HMCN2: variants seen among roughly 807,000 people sequenced by gnomAD.
HMCN2 encodes hemicentin 2, also known as hemicentin-2.
In HMCN2, 325 loss-of-function variants were observed where a neutral mutation model predicts 377.5. That is an observed-to-expected ratio of 0.86 (90% CI 0.79 to 0.94). The LOEUF (loss-of-function observed/expected upper bound fraction) is 0.94. Among genes scored for constraint, HMCN2 ranks in the 40% least tolerant of loss-of-function variants. The probability of loss-of-function intolerance (pLI) is 0.00; values close to 1 mark genes in which losing one functional copy is unlikely to be tolerated. For synonymous variants in HMCN2, 2,007 were observed against 2,046.8 expected (o/e 0.98, Z 0.53); for missense variants, 4,543 against 4,725.3 (o/e 0.96, Z 1.13).
intron 52 of HMCN2, among the ~76,000 whole-genome samples, chr9:130,377,195 C>A (rs1015337472): frequency 2.6e-5 from 4 of 152,046 alleles, no homozygotes; most frequent in Non-Finnish European, 4.4e-5. Context: ...CTCACTGCAG[C>A]CTCTGCCTCC....
Position 130,373,707 on chromosome 9 carries a change from A to AGATG in HMCN2, c.7438+603_7438+606dup, listed in dbSNP as rs942219791. On this transcript the variant is annotated intron_variant, in intron 48 of 97. Coordinates refer to ENST00000683500, the MANE Select transcript of HMCN2 (RefSeq NM_001291815.2). Reference sequence around the variant, plus strand: ...TGGATGGATAGATGGATGGATAGGTAGATGGATGGATGGATGGATGGATAG... The same window carrying AGATG: ...TGGATGGATAGATGGATGGATAGGTAGATGGATGGATGGATGGATGGATGGATAG... Among the ~76,000 whole-genome samples, 16 of 115,422 alleles carry AGATG rather than the reference A, an allele frequency of 1.4e-4. 1 individual carries two copies. The highest frequency in any genetic ancestry group is 3.8e-4 in the African/African-American group (12 of 31,484). 75.7% of individuals were successfully genotyped at this position (115,422 alleles called of 152,430 possible). A position where few individuals can be genotyped will look rare whatever the true frequency, so the allele number is the denominator to read the frequency against.
chr9:130,382,752 C>T lies in HMCN2; in HGVS notation c.8619C>T (p.Ser2873=). 1.0e-6 allele frequency: 1 copy of T among 985,942 alleles called. No homozygotes were observed. The allele number at this position is 985,942 out of a possible 1,614,324, so 61.1% of individuals were successfully genotyped here. A position where few individuals can be genotyped will look rare whatever the true frequency, so the allele number is the denominator to read the frequency against. ...CAGTCAATGCCAGCAGCACCGTCAG[C>T]CTGCAGTGCCCGGCCCTGGGAAACC... The part of the protein sequence containing the change: ...EVTVNASSTV[S]LQCPALGNPV... Residue 2873 remains serine (S), a synonymous_variant, in exon 56 of 98, where the codon AGC becomes AGT. Transcript: ENST00000683500.
Position 130,354,947 on chromosome 9 carries a change from G to A in HMCN2, c.5049G>A (p.Arg1683=). The change falls in exon 32 of 98, where the codon AGG becomes AGA. Residue 1683 remains arginine (R), a synonymous_variant. Coordinates refer to ENST00000683500, the MANE Select transcript of HMCN2 (RefSeq NM_001291815.2). ...SRLETDGSVL[R]LESPGEASSG... ...TGGAGACAGACGGGAGTGTGCTGAGGCTGGAGAGCCCGGGGGAGGCATCCA... is the reference window on the plus strand; with the variant it reads ...TGGAGACAGACGGGAGTGTGCTGAGACTGGAGAGCCCGGGGGAGGCATCCA... 7.7e-7 allele frequency: 1 copy of A among 1,303,268 alleles called. No individual in the cohort carries two copies. Among genetic ancestry groups the A allele is most frequent in the Non-Finnish European group, 1.0e-6 (1 of 988,950 alleles). The allele number at this position is 1,303,268 out of a possible 1,614,324, so 80.7% of individuals were successfully genotyped here.
chr9:130,427,164 C>A, intron 90 of HMCN2, 149 bp from the exon 91 acceptor site: 1 of 783,722 alleles, frequency 1.3e-6, no homozygotes, highest in Non-Finnish European at 2.1e-6. Context: ...CAGGCCTGGG[C>A]AGGAAATGGG....
chr9:130,426,950 C>A (rs895991330), intron 90 of HMCN2, among the ~76,000 whole-genome samples: 6 of 152,150 alleles, frequency 3.9e-5, no homozygotes, highest in African/African-American at 1.4e-4. Context: ...GCTTTTGCTG[C>A]CCGTCTGACG....
At chr9:130,341,836 A>G (rs1839066399) in intron 24 of HMCN2, among the ~76,000 whole-genome samples, 1 of 151,912 alleles carries the variant, frequency 6.6e-6, no homozygotes, top group East Asian at 1.9e-4. Context: ...TGGCGCATAG[A>G]AAGTTCTGGA....
Position 130,428,336 on chromosome 9 carries a change from GTCTGCCCTGA to G in HMCN2, c.14066-14_14066-5del, listed in dbSNP as rs1375600237. On this transcript the variant is annotated splice_polypyrimidine_tract_variant and intron_variant, in intron 92 of 97. Transcript: ENST00000683500. The surrounding 1 kb of genome is among the most constrained non-coding windows in gnomAD (Gnocchi z 5.0). ...GCCTGGGGATCATGTTCACACAGCC[GTCTGCCCTGA>G]TCTGCCCCCAGATGTGGACGAGTGT... 9.8e-6 allele frequency: 15 copies of G among 1,531,712 alleles called. No individual in the cohort carries two copies. Among genetic ancestry groups the G allele is most frequent in the African/African-American group, 1.4e-5 (1 of 72,816 alleles). The allele number at this position is 1,531,712 out of a possible 1,614,324, so 94.9% of individuals were successfully genotyped here. A position where few individuals can be genotyped will look rare whatever the true frequency, so the allele number is the denominator to read the frequency against.
rs573958365 is a variant in HMCN2, at chr9:130,284,634, C to T, written c.291C>T (p.Pro97=). ...GCCCAGTGACCCTCACGGCGGACCC[C>T]ACAGTGTTTCAGAGGGAGCTGAGAG... ...DIGPVTLTAD[P]TVFQRELREL... is the part of the protein sequence containing the mutation. Residue 97 remains proline (P), a synonymous_variant, in exon 2 of 98, where the codon CCC becomes CCT. Coordinates refer to ENST00000683500, the MANE Select transcript of HMCN2 (RefSeq NM_001291815.2). 1.5e-5 allele frequency: 7 copies of T among 471,216 alleles called. No homozygotes were observed. In the East Asian group the frequency reaches 3.5e-4, roughly 23 times the overall value. 29.2% of individuals were successfully genotyped at this position (471,216 alleles called of 1,614,324 possible).
chr9:130,398,618 C>T lies in HMCN2; in HGVS notation c.11394C>T (p.Pro3798=). The T allele has an allele frequency of 7.8e-7, 1 of 1,288,164 alleles. No individual in the cohort carries two copies. The highest frequency in any genetic ancestry group is 1.0e-6 in the Non-Finnish European group (1 of 987,644). The allele number at this position is 1,288,164 out of a possible 1,614,324, so 79.8% of individuals were successfully genotyped here. ...TLTAHTPALL[P]CEASGSPKPL... is the part of the protein sequence containing the mutation. ...CCGCCCACACCCCAGCCTTGCTGCC[C>T]TGCGAGGCCAGCGGCTCCCCTAAGC... Residue 3798 remains proline (P), a synonymous_variant, in exon 75 of 98, where the codon CCC becomes CCT. Transcript: ENST00000683500.
In HMCN2 at chr9:130,427,501, G is replaced by A; in HGVS notation, c.13947G>A (p.Arg4649=). The change falls in exon 92 of 98, where the codon AGG becomes AGA. Residue 4649 remains arginine (R), a synonymous_variant. Transcript: ENST00000683500. ...LDSQGAFCVD[R]DECSGGPSPC... Reference sequence around the variant, plus strand: ...CCAGACCCCTTCCTGCCCCAGACAGGGACGAGTGCTCAGGAGGCCCTAGCC... The same window carrying A: ...CCAGACCCCTTCCTGCCCCAGACAGAGACGAGTGCTCAGGAGGCCCTAGCC... 9.0e-6 allele frequency: 14 copies of A among 1,550,392 alleles called. No homozygotes were observed. Among genetic ancestry groups the A allele is most frequent in the Non-Finnish European group, 1.0e-5 (12 of 1,146,924 alleles).
At chr9:130,431,845 G>C (rs1315191241) in intron 96 of HMCN2, among the ~76,000 whole-genome samples, 1 of 152,236 alleles carries the variant, frequency 6.6e-6, no homozygotes, top group Admixed American at 6.5e-5. Flanking sequence ...GCTGGGATGA[G>C]AGCTGTGGAG....
Position 130,303,210 on chromosome 9 carries a change from G to A in HMCN2, c.1421+209G>A, listed in dbSNP as rs1481451911. On this transcript the variant is annotated intron_variant, in intron 9 of 97. Coordinates refer to ENST00000683500, the MANE Select transcript of HMCN2 (RefSeq NM_001291815.2). This position sits in a 1 kb window ranked among gnomAD's most constrained non-coding sequence, Gnocchi z 5.2. ...CACCACTGCTGGGCCATCAGCTGGT[G>A]AAGGAGCCGGGGGCCTTCCTCAGCT... is the stretch of plus-strand genomic sequence containing the variant. Among the ~76,000 whole-genome samples, 2 of 152,256 alleles carry A rather than the reference G, an allele frequency of 1.3e-5. No individual in the cohort carries two copies. Among genetic ancestry groups the A allele is most frequent in the African/African-American group, 2.4e-5 (1 of 41,470 alleles).
intron 62 of HMCN2, among the ~76,000 whole-genome samples, chr9:130,388,832 G>A (rs1418863727): frequency 6.6e-6 from 1 of 152,202 alleles, no homozygotes; most frequent in African/African-American, 2.4e-5. Context: ...ATTGCGCAGG[G>A]CAGGTGCTGA....
intron 73 of HMCN2, among the ~76,000 whole-genome samples, chr9:130,396,932 GC>G (rs982132673): frequency 6.6e-6 from 1 of 152,228 alleles, no homozygotes; most frequent in African/African-American, 2.4e-5. Context: ...TGCTGGAGAT[GC>G]CCAAAGCAGC....
Position 130,397,668 on chromosome 9 carries a change from G to A in HMCN2, c.11326+13G>A. The A allele has an allele frequency of 7.8e-7, 1 of 1,289,620 alleles. No individual in the cohort carries two copies. The highest frequency in any genetic ancestry group is 1.2e-5 in the South Asian group (1 of 80,996). 79.9% of individuals were successfully genotyped at this position (1,289,620 alleles called of 1,614,324 possible). A position where few individuals can be genotyped will look rare whatever the true frequency, so the allele number is the denominator to read the frequency against. ...CTACGGGTCTTGGGTAGGTGGCCTG[G>A]GGAAGGCCTTCAGTGTCCAGTCCCT... On this transcript the variant is annotated intron_variant, in intron 74 of 97. Transcript: ENST00000683500.
intron 22 of HMCN2, among the ~76,000 whole-genome samples, chr9:130,334,681 C>G (rs1380114777): frequency 7.3e-6 from 1 of 136,738 alleles, no homozygotes; most frequent in African/African-American, 2.6e-5. Flanking sequence ...TGGAGCTGCT[C>G]TTTCTTTCTC....
intron 50 of HMCN2, 47 bp downstream of exon 50, chr9:130,375,783 A>G (rs1841345310): frequency 1.0e-6 from 1 of 983,978 alleles, no homozygotes. Context: ...GTGACATGTC[A>G]TCAGAATTGG....
rs1241706321 is a variant in HMCN2 at position 130,396,215 on chromosome 9, G to A, written c.11100G>A (p.Val3700=). ...GACCACCTGCAGTGAACGTCTCAGT[G>A]AACCAGACAGCCCTGCTGCCTTGCC... The part of the protein sequence containing the change: ...RSGPPAVNVS[V]NQTALLPCQA... Residue 3700 remains valine (V), a synonymous_variant, in exon 73 of 98, where the codon GTG becomes GTA. Coordinates refer to ENST00000683500, the MANE Select transcript of HMCN2 (RefSeq NM_001291815.2). The A allele has an allele frequency of 1.6e-6, 2 of 1,286,014 alleles. No individual in the cohort carries two copies. The highest frequency in any genetic ancestry group is 2.0e-6 in the Non-Finnish European group (2 of 985,830). 79.7% of individuals were successfully genotyped at this position (1,286,014 alleles called of 1,614,324 possible).
intron 48 of HMCN2, among the ~76,000 whole-genome samples, chr9:130,374,209 GGATT>G (rs981873655): frequency 4.6e-5 from 7 of 151,900 alleles, no homozygotes; most frequent in African/African-American, 4.8e-5. Context: ...ATGGATGGAT[GGATT>G]GGTGGGTGGT....
Sources: gnomAD v4.1 joint callset for allele counts (sites outside exome capture counted in the v4.1 genomes callset) on GRCh38, gnomAD v4.1.1 for gene constraint, Gnocchi (gnomAD v3.1) non-coding constraint, MANE v1.5 for transcripts, NCBI Gene and HGNC (gene_info 2026-07-23, HGNC 2026-07-21) for gene names.